DTNB: variants seen among roughly 807,000 people sequenced by gnomAD.
DTNB encodes the protein dystrobrevin beta.
A neutral mutation model predicts 90.7 loss-of-function variants in DTNB; 63 were observed. The ratio of observed to expected loss-of-function variants is 0.69; its 90% CI spans 0.57 to 0.86. The LOEUF is 0.86. Among genes scored for constraint, DTNB ranks in the 40% least tolerant of loss-of-function variants. DTNB has a pLI of 0.00. For missense variants in DTNB, 744 were observed against 807.1 expected, an observed-to-expected ratio of 0.92 and a Z score of 0.95; for synonymous variants, 277 against 286.7, an observed-to-expected ratio of 0.97 and a Z score of 0.34.
chr2:25,455,075 T>C (rs1179517801), intron 11 of DTNB, among the ~76,000 whole-genome samples: 1 of 152,194 alleles, frequency 6.6e-6, no homozygotes, highest in Non-Finnish European at 1.5e-5. Flanking sequence ...TAGGTAAGAA[T>C]GAACAGGAAG....
At chr2:25,616,884 ATC>A (rs924942626) in intron 4 of DTNB, among the ~76,000 whole-genome samples, 19 of 139,276 alleles carry the variant, frequency 1.4e-4, no homozygotes, top group African/African-American at 4.5e-4. Flanking sequence ...GTGAGCCGAG[ATC>A]GCGCCACTGC....
At chr2:25,440,475 C>T (rs2057115447) in intron 12 of DTNB, among the ~76,000 whole-genome samples, 1 of 152,250 alleles carries the variant, frequency 6.6e-6, no homozygotes, top group South Asian at 2.1e-4. Context: ...GTTCTCATTT[C>T]ATTGTAAAGG....
intron 17 of DTNB, 52 bp downstream of exon 17, chr2:25,388,150 C>T (rs529133274): frequency 1.2e-4 from 189 of 1,540,098 alleles, no homozygotes; most frequent in Non-Finnish European, 1.5e-4. Context: ...GAATCTTGTC[C>T]GTGTTTGCAC....
chr2:25,638,851 G>A (rs1035575787), intron 3 of DTNB, among the ~76,000 whole-genome samples, 163 bp downstream of exon 3: 1 of 152,144 alleles, frequency 6.6e-6, no homozygotes, highest in Non-Finnish European at 1.5e-5. Context: ...GAAGGACAAA[G>A]AAGTAAAATG....
At chr2:25,612,229 C>G (rs2068830265) in intron 4 of DTNB, among the ~76,000 whole-genome samples, 1 of 151,870 alleles carries the variant, frequency 6.6e-6, no homozygotes, top group African/African-American at 2.4e-5. Context: ...GAATCATATG[C>G]AAGGCAGACT....
chr2:25,643,864 G>C (rs1483660792), intron 2 of DTNB, among the ~76,000 whole-genome samples: 1 of 152,182 alleles, frequency 6.6e-6, no homozygotes, highest in Non-Finnish European at 1.5e-5. Flanking sequence ...TAAGTCACAG[G>C]ATGAGATAGG....
At position 25,547,613 on chromosome 2, in the gene DTNB, C is replaced by T. The variant is rs569116813; in HGVS notation, c.877-16016G>A. 2.0e-5 allele frequency among the ~76,000 whole-genome samples: 3 copies of T among 152,296 alleles called. No homozygotes were observed. In the South Asian group the frequency reaches 6.2e-4, roughly 32 times the overall value. The stretch of plus-strand genomic sequence containing the variant: ...ATGCACCTGTATCCTTATGGGAAGA[C>T]AGCTTATAATTTTCTCTTTTGGTGT... On this transcript the variant is annotated intron_variant, in intron 8 of 20. Transcript: ENST00000406818.
chr2:25,556,168 C>T (rs933732776), intron 8 of DTNB, among the ~76,000 whole-genome samples: 2 of 98,790 alleles, frequency 2.0e-5, no homozygotes, highest in Admixed American at 9.7e-5. Flanking sequence ...TTGGCCATCT[C>T]TCTTTTTTTT....
intron 5 of DTNB, among the ~76,000 whole-genome samples, chr2:25,604,593 TTTTA>T (rs1028853322): frequency 1.3e-5 from 2 of 151,942 alleles, no homozygotes; most frequent in Non-Finnish European, 2.9e-5. Context: ...TTACTTTTAT[TTTTA>T]TTTATTTATT....
intron 5 of DTNB, among the ~76,000 whole-genome samples, chr2:25,597,630 C>T (rs761681805): frequency 6.6e-6 from 1 of 152,136 alleles, no homozygotes; most frequent in Non-Finnish European, 1.5e-5. Flanking sequence ...ATGACAGCTG[C>T]TAGTTTACAG....
At chr2:25,649,859 G>T in intron 2 of DTNB, 1 of 212,230 alleles carries the variant, frequency 4.7e-6, no homozygotes, top group Non-Finnish European at 8.1e-6. Flanking sequence ...CTGAATAATG[G>T]CTGGAAAAAG....
chr2:25,506,264 T>C (rs1398684047), intron 9 of DTNB, among the ~76,000 whole-genome samples: 2 of 152,110 alleles, frequency 1.3e-5, no homozygotes, highest in Non-Finnish European at 2.9e-5. Flanking sequence ...CAATAATGTA[T>C]TGTATATTTC....
intron 8 of DTNB, among the ~76,000 whole-genome samples, chr2:25,557,965 G>A (rs187549631): frequency 1.3e-5 from 2 of 152,168 alleles, no homozygotes; most frequent in African/African-American, 2.4e-5. Context: ...CAAGAAGAAC[G>A]AGCTGGAACT....
intron 16 of DTNB, among the ~76,000 whole-genome samples, chr2:25,390,624 T>A (rs2040836274): frequency 6.6e-6 from 1 of 152,090 alleles, no homozygotes; most frequent in East Asian, 1.9e-4. Flanking sequence ...TTCTTATATT[T>A]TTAGTAGAGA....
At chr2:25,603,713 A>AAT (rs1349374592) in intron 5 of DTNB, among the ~76,000 whole-genome samples, 1 of 152,230 alleles carries the variant, frequency 6.6e-6, no homozygotes. Context: ...GAGAAAACTT[A>AAT]ATATAACAGG....
intron 8 of DTNB, among the ~76,000 whole-genome samples, chr2:25,569,994 G>A (rs1408985866): frequency 2.6e-5 from 4 of 151,912 alleles, no homozygotes; most frequent in Non-Finnish European, 5.9e-5. Context: ...CTACTCAGGA[G>A]GCTGAGGCAG....
chr2:25,612,410 G>C (rs1008729566), intron 4 of DTNB, among the ~76,000 whole-genome samples: 1 of 152,094 alleles, frequency 6.6e-6, no homozygotes, highest in African/African-American at 2.4e-5. Context: ...GAAGAAGACA[G>C]CCTAGAGAGA....
At chr2:25,669,445 TGA>T (rs1444675250) in intron 1 of DTNB, among the ~76,000 whole-genome samples, 3 of 152,084 alleles carry the variant, frequency 2.0e-5, no homozygotes, top group Non-Finnish European at 4.4e-5. Context: ...ATTAACACCA[TGA>T]GAGACAGAAA....
rs1442564515 is a variant in DTNB at position 25,424,372 on chromosome 2, C to T, written c.1554+3163G>A. 6.6e-6 allele frequency among the ~76,000 whole-genome samples: 1 copy of T among 152,148 alleles called. No homozygotes were observed. The highest frequency in any genetic ancestry group is 1.5e-5 in the Non-Finnish European group (1 of 68,032). ...TTGGGATCAGAGTTGCGGGCATTAG[C>T]TCGTTCTGCTTAGCCCTTGAATACA... On this transcript the variant is annotated intron_variant, in intron 15 of 20. Coordinates refer to ENST00000406818, the MANE Select transcript of DTNB (RefSeq NM_021907.5). This position sits in a 1 kb window ranked among gnomAD's most constrained non-coding sequence, Gnocchi z 4.1.
Sources: gnomAD v4.1 joint callset for allele counts (sites outside exome capture counted in the v4.1 genomes callset) on GRCh38, gnomAD v4.1.1 for gene constraint, Gnocchi (gnomAD v3.1) non-coding constraint, MANE v1.5 for transcripts, NCBI Gene and HGNC (gene_info 2026-07-23, HGNC 2026-07-21) for gene names.